Variants in MTHFD2L observed in about 807,000 individuals in gnomAD.
MTHFD2L encodes bifunctional methylenetetrahydrofolate dehydrogenase/cyclohydrolase 2, mitochondrial.
MTHFD2L carries 29 observed loss-of-function variants against 34.9 expected under a neutral mutation model. The observed-to-expected ratio is 0.83, with a 90% CI of 0.62 to 1.13. The LOEUF is 1.13. MTHFD2L is among the 50% of genes most tolerant of loss of function. The pLI, the probability that MTHFD2L is intolerant of heterozygous loss-of-function variation, is 0.00. For missense variants in MTHFD2L, 481 were observed against 446.5 expected (o/e 1.08, Z -0.70); for synonymous variants, 167 against 155.7 (o/e 1.07, Z -0.54).
At chr4:74,235,171 A>G (rs1740663951) in intron 6 of MTHFD2L, among the ~76,000 whole-genome samples, 1 of 152,170 alleles carries the variant, frequency 6.6e-6, no homozygotes, top group South Asian at 2.1e-4. Context: ...GGCAACCTTT[A>G]AATAATTAGA....
At chr4:74,266,986 G>C (rs1165984482) in intron 6 of MTHFD2L, 1 of 985,252 alleles carries the variant, frequency 1.0e-6, no homozygotes, top group East Asian at 1.1e-4. Context: ...TTTTCAAGTT[G>C]AGCTCTGGGG....
intron 6 of MTHFD2L, among the ~76,000 whole-genome samples, chr4:74,227,928 T>G (rs925511861): frequency 1.3e-5 from 2 of 152,192 alleles, no homozygotes; most frequent in Non-Finnish European, 2.9e-5. Context: ...TTTGAACACA[T>G]AGTTTCAATC....
chr4:74,218,173 TC>T (rs1737519995), intron 5 of MTHFD2L, among the ~76,000 whole-genome samples: 1 of 152,160 alleles, frequency 6.6e-6, no homozygotes, highest in African/African-American at 2.4e-5. Context: ...TCTTTATTCT[TC>T]AATAAAATGA....
intron 6 of MTHFD2L, among the ~76,000 whole-genome samples, chr4:74,246,106 T>A (rs1328435170): frequency 7.2e-6 from 1 of 139,814 alleles, no homozygotes; most frequent in Non-Finnish European, 1.5e-5. Context: ...AGTGTAAAAG[T>A]GTTCCTATTT....
chr4:74,270,854 A>C (rs1450421889), intron 6 of MTHFD2L, among the ~76,000 whole-genome samples: 1 of 151,824 alleles, frequency 6.6e-6, no homozygotes, highest in Non-Finnish European at 1.5e-5. Flanking sequence ...CTTTTTAATG[A>C]TTGCCATTCT....
chr4:74,133,650 T>A (rs1722706942), intron 1 of MTHFD2L, among the ~76,000 whole-genome samples: 1 of 152,202 alleles, frequency 6.6e-6, no homozygotes. Context: ...GTTCCAAGAT[T>A]TCTGTTTCAT....
upstream of MTHFD2L, among the ~76,000 whole-genome samples, chr4:74,120,989 G>A (rs913933455): frequency 6.6e-6 from 1 of 152,132 alleles, no homozygotes; most frequent in Non-Finnish European, 1.5e-5. Flanking sequence ...CAGATAGAGG[G>A]GCTGCATTCA....
At chr4:74,114,860 T>G (rs1377451625) in intron 2 of MTHFD2L, among the ~76,000 whole-genome samples, 1 of 152,212 alleles carries the variant, frequency 6.6e-6, no homozygotes, top group East Asian at 1.9e-4. Flanking sequence ...TGGCTTTTTC[T>G]ATGGATTAAT....
intron 1 of MTHFD2L, among the ~76,000 whole-genome samples, chr4:74,162,439 G>C (rs1364028864): frequency 6.6e-6 from 1 of 150,780 alleles, no homozygotes. Context: ...ACTATCTAAA[G>C]ATCTAAAGAT....
At chr4:74,298,164 C>A (rs1409860498) in intron 7 of MTHFD2L, among the ~76,000 whole-genome samples, 1 of 151,796 alleles carries the variant, frequency 6.6e-6, no homozygotes, top group Non-Finnish European at 1.5e-5. Flanking sequence ...TACTTTATTT[C>A]AAAAACAAAA....
At chr4:74,207,568 T>C (rs1475593534) in intron 5 of MTHFD2L, among the ~76,000 whole-genome samples, 1 of 152,184 alleles carries the variant, frequency 6.6e-6, no homozygotes, top group Non-Finnish European at 1.5e-5. Flanking sequence ...GGATTCATCT[T>C]TGCAGTGGGT....
intron 3 of MTHFD2L, among the ~76,000 whole-genome samples, chr4:74,175,720 C>T (rs1728904721): frequency 6.6e-6 from 1 of 151,992 alleles, no homozygotes; most frequent in Non-Finnish European, 1.5e-5. Flanking sequence ...AACAATTTTT[C>T]TGTGGCCTTT....
At chr4:74,157,936 C>T, upstream of MTHFD2L, 1 of 827,156 alleles carries the variant, frequency 1.2e-6, no homozygotes, top group Non-Finnish European at 2.0e-6. Context: ...TGGCCCCGCC[C>T]CCTGCGGACC....
intron 6 of MTHFD2L, among the ~76,000 whole-genome samples, chr4:74,246,139 G>C (rs1742410779): frequency 7.0e-6 from 1 of 143,684 alleles, no homozygotes; most frequent in African/African-American, 2.6e-5. Flanking sequence ...TCCAGCACCT[G>C]TTGTTTCCTG....
intron 5 of MTHFD2L, 89 bp downstream of exon 5, chr4:74,201,459 T>A (rs1333092481): frequency 1.1e-6 from 1 of 939,566 alleles, no homozygotes; most frequent in African/African-American, 1.6e-5. Context: ...TGCAGCTTAT[T>A]ATATTTGTGG....
chr4:74,182,716 T>G (rs1310981912), intron 3 of MTHFD2L: 1 of 152,186 alleles, frequency 6.6e-6, no homozygotes, highest in African/African-American at 2.4e-5. Flanking sequence ...GGGGCTTCTC[T>G]TTGCAATTAG....
At chr4:74,167,123 C>G (rs1340111023) in intron 1 of MTHFD2L, among the ~76,000 whole-genome samples, 1 of 152,216 alleles carries the variant, frequency 6.6e-6, no homozygotes, top group Non-Finnish European at 1.5e-5. Context: ...GACAGCCCAC[C>G]CCAGTGGACC....
chr4:74,185,104 A>G (rs1393603052), intron 3 of MTHFD2L, among the ~76,000 whole-genome samples: 3 of 140,508 alleles, frequency 2.1e-5, no homozygotes, highest in Non-Finnish European at 4.6e-5. Context: ...GTGAGCCGAG[A>G]TTAAGCCACT....
intron 1 of MTHFD2L, among the ~76,000 whole-genome samples, chr4:74,127,301 C>T (rs572313563): frequency 6.6e-6 from 1 of 152,100 alleles, no homozygotes; most frequent in Non-Finnish European, 1.5e-5. Flanking sequence ...TTGAAATGTA[C>T]AATAGATTGA....
Sources: gnomAD v4.1 joint callset for allele counts (sites outside exome capture counted in the v4.1 genomes callset) on GRCh38, gnomAD v4.1.1 for gene constraint, MANE v1.5 for transcripts, NCBI Gene and HGNC (gene_info 2026-07-23, HGNC 2026-07-21) for gene names.